MAPK8: variants seen among roughly 807,000 people sequenced by gnomAD.
MAPK8 encodes the protein mitogen-activated protein kinase 8, also known as JUN N-terminal kinase.
MAPK8 carries 13 observed loss-of-function variants against 52.9 expected under a neutral mutation model. That is an observed-to-expected ratio of 0.25 (90% confidence interval 0.16 to 0.39). The LOEUF (loss-of-function observed/expected upper bound fraction) is 0.39, where lower values mean the gene tolerates loss of function less well. Ranked by LOEUF, MAPK8 falls within the 10% of genes least tolerant of loss-of-function variation. The pLI is 1.00. For synonymous variants in MAPK8, 191 were observed against 169.8 expected (o/e 1.12, Z -0.97); for missense variants, 300 against 519.2 (o/e 0.58, Z 4.10).
intron 1 of MAPK8, among the ~76,000 whole-genome samples, chr10:48,394,646 A>T (rs1359097809): frequency 1.3e-5 from 2 of 151,960 alleles, no homozygotes; most frequent in Non-Finnish European, 2.9e-5. Flanking sequence ...ATGCTTAGTG[A>T]TGAAAGACTG....
At chr10:48,319,476 G>A (rs1649295512) in intron 1 of MAPK8, among the ~76,000 whole-genome samples, 1 of 151,876 alleles carries the variant, frequency 6.6e-6, no homozygotes, top group African/African-American at 2.4e-5. Context: ...CTATAGTTTT[G>A]TTCATTCTGG....
intron 1 of MAPK8, among the ~76,000 whole-genome samples, chr10:48,314,093 A>G (rs1489295773): frequency 6.6e-6 from 1 of 152,214 alleles, no homozygotes; most frequent in African/African-American, 2.4e-5. Context: ...TCAAAATACC[A>G]TAACTTGAGT....
chr10:48,399,736 C>G (rs2042064387), intron 1 of MAPK8, among the ~76,000 whole-genome samples: 1 of 152,170 alleles, frequency 6.6e-6, no homozygotes, highest in Non-Finnish European at 1.5e-5. Flanking sequence ...TGTGAAGCAC[C>G]AGAGTACCCC....
At chr10:48,334,765 G>A (rs545003444) in intron 1 of MAPK8, among the ~76,000 whole-genome samples, 10 of 152,208 alleles carry the variant, frequency 6.6e-5, no homozygotes, top group African/African-American at 1.2e-4. Context: ...TAATGGACTC[G>A]GAGACATGAA....
intron 1 of MAPK8, among the ~76,000 whole-genome samples, chr10:48,379,305 T>G (rs1236363979): frequency 6.6e-6 from 1 of 152,224 alleles, no homozygotes; most frequent in East Asian, 1.9e-4. Context: ...TTAGGTCAAG[T>G]CTTTCCAAGG....
intron 1 of MAPK8, among the ~76,000 whole-genome samples, chr10:48,348,711 A>C (rs1415390464): frequency 3.9e-5 from 6 of 152,042 alleles, no homozygotes; most frequent in Non-Finnish European, 8.8e-5. Context: ...GTGTGGTGTT[A>C]TTTCTGAGGC....
rs906487000 is a variant in MAPK8 at position 48,323,115 on chromosome 10, GAAAAGGGGGAAA to G, written c.-50+16295_-50+16306del. On this transcript the variant is annotated intron_variant, in intron 1 of 11. Coordinates refer to ENST00000374189, the MANE Select transcript of MAPK8 (RefSeq NM_001323329.2). ...TTTCTACAGATTATAGAAATTATTA[GAAAAGGGGGAAA>G]TAGCCTTAGGAATAGAAATGGGAGG... is the stretch of plus-strand genomic sequence containing the variant. Among the ~76,000 whole-genome samples the G allele has an allele frequency of 4.3e-4, 65 of 152,242 alleles. 1 individual carries two copies. Among genetic ancestry groups the G allele is most frequent in the Admixed American group, 4.2e-3 (64 of 15,282 alleles).
intron 1 of MAPK8, among the ~76,000 whole-genome samples, chr10:48,328,403 C>T (rs554301556): frequency 6.7e-6 from 1 of 149,958 alleles, no homozygotes; most frequent in African/African-American, 2.5e-5. Context: ...TTTTGATGAT[C>T]AGTTGTCTCA....
chr10:48,413,025 A>G (rs994690053), intron 5 of MAPK8, among the ~76,000 whole-genome samples: 1 of 152,192 alleles, frequency 6.6e-6, no homozygotes, highest in African/African-American at 2.4e-5. Flanking sequence ...AATACCTCAT[A>G]TAAGCGGAAT....
At chr10:48,307,581 T>C (rs953757363) in intron 1 of MAPK8, among the ~76,000 whole-genome samples, 6 of 152,222 alleles carry the variant, frequency 3.9e-5, no homozygotes, top group African/African-American at 1.2e-4. Flanking sequence ...ACCAAGTCCA[T>C]TTTAAAGTAC....
intron 1 of MAPK8, among the ~76,000 whole-genome samples, chr10:48,321,873 C>T (rs529515189): frequency 4.6e-5 from 7 of 152,200 alleles, no homozygotes; most frequent in South Asian, 2.1e-4. Context: ...TAGGTTCCCA[C>T]GGTGTGTTGA....
At chr10:48,405,590 GAATA>G (rs2042421455) in intron 3 of MAPK8, among the ~76,000 whole-genome samples, 1 of 152,160 alleles carries the variant, frequency 6.6e-6, no homozygotes, top group African/African-American at 2.4e-5. Context: ...CTCATTTTGA[GAATA>G]AACAGTTATA....
At chr10:48,394,218 A>G (rs2041774966) in intron 1 of MAPK8, among the ~76,000 whole-genome samples, 1 of 151,956 alleles carries the variant, frequency 6.6e-6, no homozygotes, top group Non-Finnish European at 1.5e-5. Context: ...AAAGATGAAT[A>G]TCATTTCCAT....
intron 5 of MAPK8, among the ~76,000 whole-genome samples, chr10:48,413,520 G>A (rs986520655): frequency 1.4e-4 from 21 of 151,920 alleles, no homozygotes; most frequent in African/African-American, 5.1e-4. Flanking sequence ...CATTTTCTTG[G>A]TTCTGAGTTC....
At chr10:48,409,788 G>A (rs1188391931) in intron 3 of MAPK8, 91 bp from the exon 4 acceptor site, 1 of 809,404 alleles carries the variant, frequency 1.2e-6, no homozygotes, top group East Asian at 2.7e-5. Context: ...TAAACTGATG[G>A]TAGTTTTTTT....
intron 1 of MAPK8, among the ~76,000 whole-genome samples, chr10:48,389,065 GTC>G (rs1459138628): frequency 6.6e-6 from 1 of 152,144 alleles, no homozygotes; most frequent in African/African-American, 2.4e-5. Context: ...TTGTAGACAA[GTC>G]TGTTGTTGGA....
chr10:48,415,724 G>A (rs950261871), intron 5 of MAPK8, among the ~76,000 whole-genome samples: 10 of 152,098 alleles, frequency 6.6e-5, no homozygotes, highest in Admixed American at 5.2e-4. Flanking sequence ...AGAGTCTCGC[G>A]TTTTCAAGGT....
At position 48,436,972 on chromosome 10, in the gene MAPK8, T is replaced by G. The variant is rs1041446701; in HGVS notation, c.*1943T>G. On this transcript the variant is annotated 3_prime_UTR_variant, in exon 12 of 12. Coordinates refer to ENST00000374189, the MANE Select transcript of MAPK8 (RefSeq NM_001323329.2). Reference sequence around the variant, plus strand: ...TAGCTGTATTTTCTGTAGCATAGATTATGTCACTGTTGCACTTTCACAGCA... The same window carrying G: ...TAGCTGTATTTTCTGTAGCATAGATGATGTCACTGTTGCACTTTCACAGCA... 1 of 152,248 alleles carries G rather than the reference T, an allele frequency of 6.6e-6. No individual in the cohort carries two copies. Among genetic ancestry groups the G allele is most frequent in the African/African-American group, 2.4e-5 (1 of 41,472 alleles). The allele number at this position is 152,248 out of a possible 1,614,324, so 9.4% of individuals were successfully genotyped here.
At chr10:48,417,108 A>G (rs1415281023) in intron 5 of MAPK8, among the ~76,000 whole-genome samples, 2 of 152,200 alleles carry the variant, frequency 1.3e-5, no homozygotes, top group Non-Finnish European at 1.5e-5. Flanking sequence ...ACAATCAAAA[A>G]TGTTTTCTGA....
Sources: gnomAD v4.1 joint callset for allele counts (sites outside exome capture counted in the v4.1 genomes callset) on GRCh38, gnomAD v4.1.1 for gene constraint, MANE v1.5 for transcripts, NCBI Gene and HGNC (gene_info 2026-07-23, HGNC 2026-07-21) for gene names.